SMC2: variants seen among roughly 807,000 people sequenced by gnomAD.
SMC2 encodes the protein structural maintenance of chromosomes 2.
Under a neutral mutation model 142.6 loss-of-function variants are expected in SMC2, and 41 were observed. The ratio of observed to expected loss-of-function variants is 0.29; its 90% CI spans 0.22 to 0.37. The LOEUF (loss-of-function observed/expected upper bound fraction) is 0.37. SMC2 is among the 10% of genes least tolerant of loss of function. The pLI, the probability that SMC2 is intolerant of heterozygous loss-of-function variation, is 1.00. For synonymous variants in SMC2, 463 were observed against 457.5 expected (o/e 1.01, Z -0.15); for missense variants, 1,265 against 1,373.7 (o/e 0.92, Z 1.25).
Position 104,116,300 on chromosome 9 carries a change from T to A in SMC2, c.1772T>A (p.Leu591Gln), listed in dbSNP as rs780327985. 1.9e-6 allele frequency: 3 copies of A among 1,606,904 alleles called. No individual in the cohort carries two copies. Among genetic ancestry groups the A allele is most frequent in the Non-Finnish European group, 2.5e-6 (3 of 1,177,722 alleles). The change falls in exon 14 of 25, where the codon CTG (leucine) becomes CAG (glutamine). Residue 591 changes from leucine (L) to glutamine (Q), a missense_variant. Transcript: ENST00000374793. ...ISARCIAPET[L>Q]RVAQNLVGPD... is the part of the protein sequence containing the mutation. ...GCCAGATGTATTGCACCAGAAACTCTGAGAGTTGCTCAGAATCTTGTAAGT... is the reference window on the plus strand; with the variant it reads ...GCCAGATGTATTGCACCAGAAACTCAGAGAGTTGCTCAGAATCTTGTAAGT...
chr9:104,092,312 C>T (rs10991103), upstream of SMC2: 46,525 of 152,172 alleles, frequency 0.31, 8,091 homozygotes, highest in East Asian at 0.77. Context: ...TATCCAACAA[C>T]AGTGCACTTG....
chr9:104,107,295 T>A (rs1361480762), intron 9 of SMC2, among the ~76,000 whole-genome samples: 1 of 152,136 alleles, frequency 6.6e-6, no homozygotes, highest in Admixed American at 6.5e-5. Flanking sequence ...AGCAAGAAGT[T>A]ACATTCCAAG....
intron 9 of SMC2, among the ~76,000 whole-genome samples, chr9:104,106,167 A>G (rs1831750061): frequency 6.6e-6 from 1 of 152,170 alleles, no homozygotes; most frequent in African/African-American, 2.4e-5. Context: ...TGTGAATAAC[A>G]GGGTGCATGG....
chr9:104,094,115 A>G, upstream of SMC2: 1 of 349,462 alleles, frequency 2.9e-6, no homozygotes, highest in African/African-American at 2.1e-5. Context: ...AACATACACT[A>G]TCTGCTCCTG....
chr9:104,104,344 C>G (rs374787087), intron 9 of SMC2, among the ~76,000 whole-genome samples: 1 of 152,130 alleles, frequency 6.6e-6, no homozygotes, highest in African/African-American at 2.4e-5. Flanking sequence ...CAAGGGAAAA[C>G]AGAAGTCTAG....
At chr9:104,089,530 G>A (rs1178436877), upstream of SMC2, among the ~76,000 whole-genome samples, 2 of 152,158 alleles carry the variant, frequency 1.3e-5, no homozygotes, top group Non-Finnish European at 2.9e-5. Context: ...AAGCAGATGA[G>A]AGGTGAGCTA....
At position 104,111,623 on chromosome 9, in the gene SMC2, A is replaced by T. The variant is rs1437243775; in HGVS notation, c.1063A>T (p.Ile355Leu). Residue 355 changes from isoleucine (I) to leucine (L), a missense_variant, in exon 10 of 25, where the codon ATA becomes TTA. Ile to Leu is a conservative substitution (Grantham distance 5). Coordinates refer to ENST00000374793, the MANE Select transcript of SMC2 (RefSeq NM_006444.3). ...LAAKEKEVKK[I>L]TDGLHALQEA... ...AGCAAAGGAAAAAGAGGTTAAAAAGATAACAGATGGACTGCATGCCCTTCA... is the reference window on the plus strand; with the variant it reads ...AGCAAAGGAAAAAGAGGTTAAAAAGTTAACAGATGGACTGCATGCCCTTCA... 2 of 1,613,922 alleles carry T rather than the reference A, an allele frequency of 1.2e-6. No individual in the cohort carries two copies. Among genetic ancestry groups the T allele is most frequent in the African/African-American group, 1.3e-5 (1 of 74,926 alleles).
intron 16 of SMC2, 121 bp downstream of exon 16, chr9:104,120,283 ATGTT>A (rs1406825070): frequency 5.4e-6 from 5 of 920,080 alleles, no homozygotes; most frequent in Non-Finnish European, 7.8e-6. Context: ...TTTATTTAAA[ATGTT>A]TGATTAAATT....
chr9:104,098,650 T>C lies in SMC2; in HGVS notation c.441+82T>C. The C allele has an allele frequency of 2.2e-6, 3 of 1,354,344 alleles. No homozygotes were observed. The South Asian group carries it at 3.9e-5, about 18-fold the overall frequency. 83.9% of individuals were successfully genotyped at this position (1,354,344 alleles called of 1,614,324 possible). A position where few individuals can be genotyped will look rare whatever the true frequency, so the allele number is the denominator to read the frequency against. Reference sequence around the variant, plus strand: ...TTAAGCAATTAAAATAGAAGTACTTTATGTTTTGGATTTTATACTTTTTAT... The same window carrying C: ...TTAAGCAATTAAAATAGAAGTACTTCATGTTTTGGATTTTATACTTTTTAT... On this transcript the variant is annotated intron_variant, in intron 4 of 24. Transcript: ENST00000374793.
chr9:104,134,319 C>A, intron 22 of SMC2, 96 bp from the exon 23 acceptor site: 1 of 845,540 alleles, frequency 1.2e-6, no homozygotes, highest in Non-Finnish European at 1.7e-6. Context: ...GAGTAATAGA[C>A]AAAGTAGACC....
In SMC2 at chr9:104,126,759, TGGCAGCTGA is replaced by T. The variant is rs1564108162; in HGVS notation, c.2573_2581del (p.Ala858_Glu860del). On this transcript the variant is annotated inframe_deletion, in exon 19 of 25. Transcript: ENST00000374793. Reference sequence around the variant, plus strand: ...TCCTATGAAAGTCAGATTGAAGTAATGGCAGCTGAGGTGGCTAAAAATAAGGTAGGATTT... The same window carrying T: ...TCCTATGAAAGTCAGATTGAAGTAATGGTGGCTAAAAATAAGGTAGGATTT... 6.2e-7 allele frequency: 1 copy of T among 1,607,164 alleles called. No homozygotes were observed. Among genetic ancestry groups the T allele is most frequent in the Admixed American group, 1.7e-5 (1 of 57,352 alleles).
chr9:104,104,000 A>G (rs565771787), intron 9 of SMC2, among the ~76,000 whole-genome samples: 1 of 151,668 alleles, frequency 6.6e-6, no homozygotes, highest in East Asian at 1.9e-4. Flanking sequence ...TAGTCTTGTC[A>G]TGTCCTTAAG....
At chr9:104,095,277 TCCAGGTTTACA>T in intron 1 of SMC2, 36 bp from the exon 2 acceptor site, 1 of 866,046 alleles carries the variant, frequency 1.2e-6, no homozygotes, top group Non-Finnish European at 1.8e-6. Flanking sequence ...TCATTATGAT[TCCAGGTTTACA>T]TTCCACTTAG....
At chr9:104,131,506 CTTAAAA>C (rs985672240) in intron 21 of SMC2, among the ~76,000 whole-genome samples, 3 of 151,892 alleles carry the variant, frequency 2.0e-5, no homozygotes, top group Non-Finnish European at 4.4e-5. Flanking sequence ...TATCCCAAAA[CTTAAAA>C]TTAAAAAAAA....
chr9:104,108,304 C>T (rs1556153), intron 9 of SMC2, among the ~76,000 whole-genome samples: 134,514 of 152,140 alleles, frequency 0.88, 59,851 homozygotes, highest in African/African-American at 0.97. Flanking sequence ...GGTGGGGACC[C>T]GGAGACCTCG....
At chr9:104,089,361 GT>G (rs1829960291), upstream of SMC2, among the ~76,000 whole-genome samples, 1 of 152,058 alleles carries the variant, frequency 6.6e-6, no homozygotes. Context: ...ATTGAGTTTG[GT>G]AATAAAAAGG....
At chr9:104,121,487 C>A (rs930369343) in intron 16 of SMC2, among the ~76,000 whole-genome samples, 5 of 150,944 alleles carry the variant, frequency 3.3e-5, no homozygotes, top group African/African-American at 1.2e-4. Flanking sequence ...CAGAGTGAGA[C>A]CCTTTCTCAA....
chr9:104,131,850 A>T (rs948626481), intron 21 of SMC2, among the ~76,000 whole-genome samples, 159 bp from the exon 22 acceptor site: 2 of 152,076 alleles, frequency 1.3e-5, no homozygotes, highest in Non-Finnish European at 2.9e-5. Context: ...TATGTATAGT[A>T]TATGAGTATA....
At chr9:104,136,019 A>G (rs2131569649) in intron 23 of SMC2, 2 of 462,268 alleles carry the variant, frequency 4.3e-6, no homozygotes, top group Admixed American at 5.0e-5. Flanking sequence ...CTGACCTTAC[A>G]CAGTGATTCA....
Sources: gnomAD v4.1 joint callset for allele counts (sites outside exome capture counted in the v4.1 genomes callset) on GRCh38, gnomAD v4.1.1 for gene constraint, MANE v1.5 for transcripts, NCBI Gene and HGNC (gene_info 2026-07-23, HGNC 2026-07-21) for gene names.